The following GRM5 variants were observed in gnomAD, a reference collection of about 807,000 sequenced individuals.
GRM5 encodes the protein glutamate metabotropic receptor 5.
Under a neutral mutation model 83.1 loss-of-function variants are expected in GRM5, and 19 were observed. That is an observed-to-expected ratio of 0.23 (90% CI 0.16 to 0.34). The LOEUF (loss-of-function observed/expected upper bound fraction) is 0.34, where lower values mean the gene tolerates loss of function less well. GRM5 is among the 10% of genes least tolerant of loss of function. The pLI is 1.00. For missense variants in GRM5, 1,160 were observed against 1,588.3 expected (o/e 0.73, Z 4.58); for synonymous variants, 675 against 633.6 (o/e 1.07, Z -0.98).
chr11:89,033,368 G>A (rs1402944234), intron 2 of GRM5, among the ~76,000 whole-genome samples: 2 of 151,780 alleles, frequency 1.3e-5, no homozygotes, highest in Non-Finnish European at 2.9e-5. Context: ...CAGAAACAAA[G>A]TTTTACATAT....
chr11:88,543,862 TA>T (rs957487977), intron 8 of GRM5, among the ~76,000 whole-genome samples: 3 of 152,080 alleles, frequency 2.0e-5, no homozygotes, highest in Non-Finnish European at 4.4e-5. Flanking sequence ...ATGGTTGCTA[TA>T]GCTTGAAAAT....
chr11:89,039,654 A>G (rs1941482322), intron 2 of GRM5, among the ~76,000 whole-genome samples: 1 of 152,240 alleles, frequency 6.6e-6, no homozygotes, highest in African/African-American at 2.4e-5. Context: ...GAATTTACAA[A>G]TATCTAAATA....
chr11:88,639,845 A>G (rs1380869025), intron 4 of GRM5, among the ~76,000 whole-genome samples: 1 of 152,144 alleles, frequency 6.6e-6, no homozygotes, highest in African/African-American at 2.4e-5. Flanking sequence ...CTAGTGCCTT[A>G]GGAGTTTGTA....
At chr11:88,626,229 T>C (rs1028413645) in intron 4 of GRM5, among the ~76,000 whole-genome samples, 19 of 152,204 alleles carry the variant, frequency 1.2e-4, no homozygotes, top group Non-Finnish European at 1.8e-4. Context: ...ATGGATTACA[T>C]AGCTATAGTA....
chr11:88,775,023 G>A (rs12273449), intron 3 of GRM5, among the ~76,000 whole-genome samples: 75,409 of 152,018 alleles, frequency 0.5, 22,629 homozygotes, highest in Non-Finnish European at 0.7. Context: ...CAGAAGGAAT[G>A]GTACCAGCTC....
intron 3 of GRM5, among the ~76,000 whole-genome samples, chr11:88,848,118 T>C (rs971455357): frequency 6.6e-6 from 1 of 152,160 alleles, no homozygotes; most frequent in African/African-American, 2.4e-5. Flanking sequence ...TTTACTGCAG[T>C]GGTAACACTG....
intron 1 of GRM5, among the ~76,000 whole-genome samples, chr11:89,059,185 G>C (rs1941938917): frequency 6.6e-6 from 1 of 152,168 alleles, no homozygotes; most frequent in African/African-American, 2.4e-5. Context: ...CTAATCATTA[G>C]AGAATTTTTC....
chr11:88,910,940 G>C (rs1222903544), intron 2 of GRM5, among the ~76,000 whole-genome samples: 2 of 151,918 alleles, frequency 1.3e-5, no homozygotes, highest in Non-Finnish European at 2.9e-5. Context: ...TCAGTAGCTA[G>C]AGAATGGGAA....
intron 2 of GRM5, among the ~76,000 whole-genome samples, chr11:88,985,034 T>C (rs1441943737): frequency 6.8e-6 from 1 of 147,930 alleles, no homozygotes; most frequent in Non-Finnish European, 1.5e-5. Flanking sequence ...TTAAGTCCTT[T>C]GATACAGGTA....
chr11:89,047,974 C>G lies in GRM5; in HGVS notation c.-102G>C. Reference sequence around the variant, plus strand: ...CGATGTCCTACGTTGAGTCGCAAATCAAGAAATTAGCCAGCAATTCAGATG... The same window carrying G: ...CGATGTCCTACGTTGAGTCGCAAATGAAGAAATTAGCCAGCAATTCAGATG... On this transcript the variant is annotated 5_prime_UTR_variant, in exon 2 of 10. Coordinates refer to ENST00000305447, the MANE Select transcript of GRM5 (RefSeq NM_001143831.3). This position sits in a 1 kb window ranked among gnomAD's most constrained non-coding sequence, Gnocchi z 5.1. 5 of 812,250 alleles carry G rather than the reference C, an allele frequency of 6.2e-6. No homozygotes were observed. Among genetic ancestry groups the G allele is most frequent in the Non-Finnish European group, 7.9e-6 (4 of 505,484 alleles). The allele number at this position is 812,250 out of a possible 1,614,324, so 50.3% of individuals were successfully genotyped here. A position where few individuals can be genotyped will look rare whatever the true frequency, so the allele number is the denominator to read the frequency against.
At chr11:88,950,981 C>T (rs554315268) in intron 2 of GRM5, among the ~76,000 whole-genome samples, 1 of 152,116 alleles carries the variant, frequency 6.6e-6, no homozygotes, top group East Asian at 1.9e-4. Context: ...TGGGAAAAAC[C>T]AAGACTAGAA....
intron 2 of GRM5, among the ~76,000 whole-genome samples, chr11:88,957,322 G>T (rs1411480028): frequency 1.3e-5 from 2 of 152,196 alleles, no homozygotes; most frequent in Non-Finnish European, 2.9e-5. Flanking sequence ...ACATGACAAA[G>T]AGATCTCATA....
At chr11:88,830,036 A>G (rs1943958895) in intron 3 of GRM5, among the ~76,000 whole-genome samples, 1 of 151,712 alleles carries the variant, frequency 6.6e-6, no homozygotes, top group Non-Finnish European at 1.5e-5. Flanking sequence ...GAAGGTAGAC[A>G]AAAGGAAAAA....
chr11:88,837,881 G>T (rs1435465606), intron 3 of GRM5, among the ~76,000 whole-genome samples: 1 of 151,860 alleles, frequency 6.6e-6, no homozygotes, highest in Non-Finnish European at 1.5e-5. Context: ...TCAGGAGATG[G>T]AGACCATCCT....
chr11:89,018,245 A>C lies in GRM5; in HGVS notation c.661+28967T>G, dbSNP rs574861838. The stretch of plus-strand genomic sequence containing the variant: ...GTCTATAGGCCAAATAGTTGTGCTT[A>C]ACACCAAGGAGTATCTGTGTACCAA... On this transcript the variant is annotated intron_variant, in intron 2 of 9. Coordinates refer to ENST00000305447, the MANE Select transcript of GRM5 (RefSeq NM_001143831.3). Among the ~76,000 whole-genome samples, 62 of 152,270 alleles carry C rather than the reference A, an allele frequency of 4.1e-4. 1 individual carries two copies. The highest frequency in any genetic ancestry group is 1.2e-3 in the African/African-American group (50 of 41,562).
In GRM5 at chr11:88,968,752, G is replaced by A. The variant is rs555397289; in HGVS notation, c.661+78460C>T. Among the ~76,000 whole-genome samples, 14 of 152,012 alleles carry A rather than the reference G, an allele frequency of 9.2e-5. 1 individual carries two copies. The South Asian group carries it at 2.7e-3, about 29-fold the overall frequency. ...AATGTTCTAATATTAGACAGTATAA[G>A]TAATTTCAAACTTTGAAAATACCCT... On this transcript the variant is annotated intron_variant, in intron 2 of 9. Transcript: ENST00000305447.
rs373575123 is a variant in GRM5, at chr11:88,699,805, A to G, written c.912-46402T>C. Among the ~76,000 whole-genome samples, 257 of 152,300 alleles carry G rather than the reference A, an allele frequency of 1.7e-3. 4 individuals are homozygous for G. The highest frequency in any genetic ancestry group is 6.0e-3 in the African/African-American group (250 of 41,578). On this transcript the variant is annotated intron_variant, in intron 3 of 9. Coordinates refer to ENST00000305447, the MANE Select transcript of GRM5 (RefSeq NM_001143831.3). ...AATATTGATTTAAATACGTTATGTCAGCATTTCTCCCAGAGCTGACACCTG... is the reference window on the plus strand; with the variant it reads ...AATATTGATTTAAATACGTTATGTCGGCATTTCTCCCAGAGCTGACACCTG...
At chr11:89,055,754 C>A (rs1941861304) in intron 1 of GRM5, among the ~76,000 whole-genome samples, 1 of 151,734 alleles carries the variant, frequency 6.6e-6, no homozygotes, top group African/African-American at 2.4e-5. Context: ...ATATAAATAT[C>A]TTTCATATAA....
intron 2 of GRM5, among the ~76,000 whole-genome samples, chr11:89,007,033 G>A (rs1475616772): frequency 2.0e-5 from 3 of 152,138 alleles, no homozygotes; most frequent in Admixed American, 6.5e-5. Context: ...TCCTGACCTC[G>A]TGATCTGCCC....
Sources: gnomAD v4.1 joint callset for allele counts (sites outside exome capture counted in the v4.1 genomes callset) on GRCh38, gnomAD v4.1.1 for gene constraint, Gnocchi (gnomAD v3.1) non-coding constraint, MANE v1.5 for transcripts, NCBI Gene and HGNC (gene_info 2026-07-23, HGNC 2026-07-21) for gene names.